ZNF384: variants seen among roughly 807,000 people sequenced by gnomAD.
The protein encoded by ZNF384 is CAG repeat protein 1.
ZNF384 carries 20 observed loss-of-function variants against 65.0 expected under a neutral mutation model. The ratio of observed to expected loss-of-function variants is 0.31; its 90% CI spans 0.22 to 0.45. The LOEUF (loss-of-function observed/expected upper bound fraction) is 0.45, where lower values mean the gene tolerates loss of function less well. Among genes scored for constraint, ZNF384 ranks in the 20% least tolerant of loss-of-function variants. The pLI, the probability that ZNF384 is intolerant of heterozygous loss-of-function variation, is 1.00. For missense variants in ZNF384, 549 were observed against 769.4 expected (o/e 0.71, Z 3.39); for synonymous variants, 310 against 303.9 (o/e 1.02, Z -0.21).
At chr12:6,682,895 G>A (rs1956570312) in intron 2 of ZNF384, among the ~76,000 whole-genome samples, 1 of 152,190 alleles carries the variant, frequency 6.6e-6, no homozygotes, top group African/African-American at 2.4e-5. Flanking sequence ...ACAATGCTAG[G>A]GGTTCAAGTC....
chr12:6,671,146 G>A lies in ZNF384; in HGVS notation c.1188-308C>T, dbSNP rs140547641. Reference sequence around the variant, plus strand: ...CAGCTCCTACAGTAACTGTCCTAACGAACATTCAAGAACACAAGATAAACA... The same window carrying A: ...CAGCTCCTACAGTAACTGTCCTAACAAACATTCAAGAACACAAGATAAACA... On this transcript the variant is annotated intron_variant, in intron 9 of 11. Coordinates refer to ENST00000683879, the MANE Select transcript of ZNF384 (RefSeq NM_001385745.1). 1.6e-4 allele frequency among the ~76,000 whole-genome samples: 24 copies of A among 152,256 alleles called. No individual in the cohort carries two copies. The East Asian group carries it at 3.3e-3, about 21-fold the overall frequency.
At chr12:6,683,487 G>A (rs867337488) in intron 2 of ZNF384, among the ~76,000 whole-genome samples, 1 of 150,376 alleles carries the variant, frequency 6.6e-6, no homozygotes, top group Non-Finnish European at 1.5e-5. Flanking sequence ...AGATCACCCT[G>A]GCCAACACGG....
Position 6,667,181 on chromosome 12 carries a change from T to G in ZNF384, c.*533A>C. 1 of 266,076 alleles carries G rather than the reference T, an allele frequency of 3.8e-6. No homozygotes were observed. The highest frequency in any genetic ancestry group is 7.3e-6 in the Non-Finnish European group (1 of 136,884). 16.5% of individuals were successfully genotyped at this position (266,076 alleles called of 1,614,324 possible). ...ACCCCAAATCTCCTTCTACCAGCAG[T>G]CAATAGGAAGCAAAGTGAGACGATG... On this transcript the variant is annotated 3_prime_UTR_variant, in exon 12 of 12. Transcript: ENST00000683879.
chr12:6,677,622 G>A (rs182003992), intron 6 of ZNF384, among the ~76,000 whole-genome samples: 2 of 152,094 alleles, frequency 1.3e-5, no homozygotes, highest in African/African-American at 4.8e-5. Context: ...TATTCCAAAG[G>A]GGGAGGCATC....
chr12:6,675,762 C>A (rs967703643), intron 7 of ZNF384, among the ~76,000 whole-genome samples: 2 of 152,180 alleles, frequency 1.3e-5, no homozygotes, highest in African/African-American at 4.8e-5. Flanking sequence ...AATTATTATC[C>A]ATTTTTCCTA....
rs1390899920 is a variant in ZNF384, at chr12:6,678,271, C to T, written c.542G>A (p.Gly181Asp). Residue 181 changes from glycine (G) to aspartate (D), a missense_variant, in exon 6 of 12, where the codon GGT becomes GAT. Around this residue, in one of 5 missense-constraint regions of ZNF384, gnomAD observed 277 missense variants for 337.2 expected, o/e 0.82. Transcript: ENST00000683879. The surrounding 1 kb of genome is among the most constrained non-coding windows in gnomAD (Gnocchi z 4.9). ...CTTAGGAGCCACACTGCCACCTCCA[C>T]CACCACCTCCGCCTCCTTCCTCGGT... ...TLTEEGGGGG[G>D]GGGSVAPKPP... 6.2e-7 allele frequency: 1 copy of T among 1,614,176 alleles called. No individual in the cohort carries two copies. Among genetic ancestry groups the T allele is most frequent in the Middle Eastern group, 1.6e-4 (1 of 6,062 alleles).
Position 6,667,960 on chromosome 12 carries a change from G to A in ZNF384, c.1581C>T (p.Ala527=), listed in dbSNP as rs763094770. ...GCTGCTGCTGCTGTGATGCCTGGGA[G>A]GCCTGGGCCTGGGCCTGGGCTTGAG... ...AQAQAQAQAQ[A]SQASQQQQQQ... is the part of the protein sequence containing the mutation. Residue 527 remains alanine (A), a synonymous_variant, in exon 12 of 12, where the codon GCC becomes GCT. Transcript: ENST00000683879. 6.2e-7 allele frequency: 1 copy of A among 1,611,502 alleles called. No individual in the cohort carries two copies.
At chr12:6,674,806 C>T (rs1350272994) in intron 7 of ZNF384, among the ~76,000 whole-genome samples, 3 of 152,192 alleles carry the variant, frequency 2.0e-5, no homozygotes, top group Non-Finnish European at 2.9e-5. Context: ...ATGCCTAGGA[C>T]AGTCAAAGGT....
At chr12:6,668,930 G>T (rs990353334) in intron 11 of ZNF384, 101 bp downstream of exon 11, 10 of 1,286,938 alleles carry the variant, frequency 7.8e-6, no homozygotes, top group Admixed American at 5.1e-5. Context: ...AGCTAGGGAG[G>T]CAGGGTATTC....
intron 11 of ZNF384, among the ~76,000 whole-genome samples, chr12:6,668,423 C>T (rs762391740): frequency 4.6e-5 from 7 of 152,068 alleles, no homozygotes; most frequent in Non-Finnish European, 1.0e-4. Flanking sequence ...TCTAACTGGG[C>T]CAGGTGCGGT....
chr12:6,679,472 G>T lies in ZNF384; in HGVS notation c.49C>A (p.Pro17Thr). Residue 17 changes from proline (P) to threonine (T), a missense_variant, in exon 3 of 12, where the codon CCC (proline) becomes ACC (threonine). This residue lies in a region of ZNF384 where 277 missense variants were observed against 337.2 expected (regional missense o/e 0.82). Transcript: ENST00000683879. ...NSNPYFWPSI[P>T]TVSGQIENTM... ...CCACTTACCTGACCTGAGACTGTGG[G>T]GATAGAAGGCCAGAAGTACGGGTTA... is the stretch of plus-strand genomic sequence containing the variant. The T allele has an allele frequency of 6.2e-7, 1 of 1,614,102 alleles. No individual in the cohort carries two copies. Among genetic ancestry groups the T allele is most frequent in the Non-Finnish European group, 8.5e-7 (1 of 1,179,942 alleles).
At chr12:6,686,930 A>T (rs1486845559) in intron 2 of ZNF384, among the ~76,000 whole-genome samples, 2 of 152,256 alleles carry the variant, frequency 1.3e-5, no homozygotes, top group African/African-American at 4.8e-5. Context: ...ATGGAAAAAA[A>T]CAATCAACTT....
At position 6,672,876 on chromosome 12, in the gene ZNF384, C is replaced by T. The variant is rs1952058612; in HGVS notation, c.1004+340G>A. On this transcript the variant is annotated intron_variant, in intron 8 of 11. Transcript: ENST00000683879. This position sits in a 1 kb window ranked among gnomAD's most constrained non-coding sequence, Gnocchi z 4.4. ...TCCAAATAGTAATCTGAACAAAGAC[C>T]AATACCGCCTGTTCCCCATGGACCT... Among the ~76,000 whole-genome samples, 1 of 152,114 alleles carries T rather than the reference C, an allele frequency of 6.6e-6. No individual in the cohort carries two copies. The highest frequency in any genetic ancestry group is 1.5e-5 in the Non-Finnish European group (1 of 68,042).
chr12:6,679,040 C>T lies in ZNF384; in HGVS notation c.210G>A (p.Glu70=). 2.5e-6 allele frequency: 4 copies of T among 1,614,044 alleles called. No individual in the cohort carries two copies. Among genetic ancestry groups the T allele is most frequent in the African/African-American group, 1.3e-5 (1 of 75,004 alleles). The change falls in exon 4 of 12, where the codon GAG becomes GAA. Residue 70 remains glutamate (E), a synonymous_variant. Transcript: ENST00000683879. ...GTGGGGTCAGCTGGTCTGACTTGGA[C>T]TCTGTGTCCATACTGATGCCTGAGG... is the stretch of plus-strand genomic sequence containing the variant. ...SLPSGISMDT[E]SKSDQLTPHS...
chr12:6,679,382 T>C, intron 3 of ZNF384, 73 bp downstream of exon 3: 1 of 1,433,494 alleles, frequency 7.0e-7, no homozygotes, highest in Non-Finnish European at 9.8e-7. Context: ...CAGCATGTGG[T>C]GTACCTTCAG....
Position 6,672,235 on chromosome 12 carries a change from C to T in ZNF384, c.1187+115G>A, listed in dbSNP as rs1369000439. 1.7e-6 allele frequency: 2 copies of T among 1,176,696 alleles called. No homozygotes were observed. Among genetic ancestry groups the T allele is most frequent in the Non-Finnish European group, 2.3e-6 (2 of 851,904 alleles). The allele number at this position is 1,176,696 out of a possible 1,614,324, so 72.9% of individuals were successfully genotyped here. On this transcript the variant is annotated intron_variant, in intron 9 of 11. Coordinates refer to ENST00000683879, the MANE Select transcript of ZNF384 (RefSeq NM_001385745.1). This position sits in a 1 kb window ranked among gnomAD's most constrained non-coding sequence, Gnocchi z 4.4. ...TCTCCCAGATGCCAGCCAGGTCTCTCCTCCAGCCAGGTCTCTCCCCCGCCC... is the reference window on the plus strand; with the variant it reads ...TCTCCCAGATGCCAGCCAGGTCTCTTCTCCAGCCAGGTCTCTCCCCCGCCC...
At chr12:6,679,419 G>C (rs1449079038) in intron 3 of ZNF384, 36 bp downstream of exon 3, 2 of 1,596,890 alleles carry the variant, frequency 1.3e-6, no homozygotes, top group Non-Finnish European at 1.7e-6. Context: ...ACTTACTACT[G>C]AGACTTGGAG....
chr12:6,669,009 A>G, intron 11 of ZNF384, 22 bp downstream of exon 11: 1 of 1,585,998 alleles, frequency 6.3e-7, no homozygotes, highest in Non-Finnish European at 8.6e-7. Flanking sequence ...ATGAGGAAGG[A>G]GAGAAGAAAC....
chr12:6,678,556 A>AC lies in ZNF384; in HGVS notation c.353-97dup, dbSNP rs967532440. ...CAGATCATTGTCTAATTAACCCCTC[A>AC]CCCCCCCGCCGACCCAACCCAGAGT... On this transcript the variant is annotated intron_variant, in intron 5 of 11. Coordinates refer to ENST00000683879, the MANE Select transcript of ZNF384 (RefSeq NM_001385745.1). The surrounding 1 kb of genome is among the most constrained non-coding windows in gnomAD (Gnocchi z 4.9). 55 of 1,379,226 alleles carry AC rather than the reference A, an allele frequency of 4.0e-5. No individual in the cohort carries two copies. Among genetic ancestry groups the AC allele is most frequent in the Non-Finnish European group, 5.0e-5 (50 of 996,234 alleles). 85.4% of individuals were successfully genotyped at this position (1,379,226 alleles called of 1,614,324 possible). A position where few individuals can be genotyped will look rare whatever the true frequency, so the allele number is the denominator to read the frequency against.
Sources: allele counts gnomAD v4.1 joint callset (sites outside exome capture counted in the v4.1 genomes callset), GRCh38; gene constraint gnomAD v4.1.1; regional missense constraint gnomAD v4.1.1; non-coding constraint Gnocchi (gnomAD v3.1); transcripts MANE v1.5; gene names NCBI Gene and HGNC (gene_info 2026-07-23, HGNC 2026-07-21).